The following RANBP2 variants were observed in gnomAD, a reference collection of about 807,000 sequenced individuals.
RANBP2 encodes the protein E3 SUMO-protein ligase RanBP2.
Under a neutral mutation model 303.6 loss-of-function variants are expected in RANBP2, and 57 were observed. That is an observed-to-expected ratio of 0.19 (90% CI 0.15 to 0.23). The LOEUF (loss-of-function observed/expected upper bound fraction) is 0.23, where lower values mean the gene tolerates loss of function less well. Among genes scored for constraint, RANBP2 ranks in the 10% least tolerant of loss-of-function variants. The pLI, the probability that RANBP2 is intolerant of heterozygous loss-of-function variation, is 1.00. For synonymous variants in RANBP2, 1,167 were observed against 1,301.5 expected, an observed-to-expected ratio of 0.90 and a Z score of 2.23; for missense variants, 3,138 against 3,780.8, an observed-to-expected ratio of 0.83 and a Z score of 4.46.
chr2:109,594,894 T>C, the RANBP2 span: 1 of 144,392 alleles, frequency 6.9e-6, no homozygotes, highest in Middle Eastern at 3.6e-3. Context: ...TAACAATGTG[T>C]TTTTTTTTTT....
At chr2:109,174,686 T>G in the RANBP2 span, among the ~76,000 whole-genome samples, 1 of 152,262 alleles carries the variant, frequency 6.6e-6, no homozygotes, top group African/African-American at 2.4e-5. Flanking sequence ...GATGATATTT[T>G]CAGGATAGGG....
the RANBP2 span, among the ~76,000 whole-genome samples, chr2:109,061,852 G>A: frequency 8.5e-5 from 13 of 152,286 alleles, no homozygotes; most frequent in African/African-American, 2.9e-4. Flanking sequence ...TTCAAGCAGA[G>A]GTGATGCCCA....
chr2:109,000,338 G>A, the RANBP2 span, among the ~76,000 whole-genome samples: 81 of 152,222 alleles, frequency 5.3e-4, no homozygotes, highest in African/African-American at 1.9e-3. Flanking sequence ...CTCAGCCTGG[G>A]CAACATAGCA....
At position 108,758,238 on chromosome 2, in the gene RANBP2, G is replaced by A. The variant is rs183552992; in HGVS notation, c.2467-175G>A. ...CTTGAGCCCAGGAGGTGGAGGTTGC[G>A]GTGAGCCAAGATTGTGCCATTGCAC... On this transcript the variant is annotated intron_variant, in intron 17 of 28. Coordinates refer to ENST00000283195, the MANE Select transcript of RANBP2 (RefSeq NM_006267.5). Among the ~76,000 whole-genome samples, 414 of 151,480 alleles carry A rather than the reference G, an allele frequency of 2.7e-3. 1 individual carries two copies. The highest frequency in any genetic ancestry group is 9.9e-3 in the African/African-American group (407 of 41,212).
the RANBP2 span, among the ~76,000 whole-genome samples, chr2:109,356,367 G>C: frequency 6.6e-6 from 1 of 152,174 alleles, no homozygotes; most frequent in South Asian, 2.1e-4. Context: ...CCACACTGCA[G>C]CTAGGTCTAT....
At chr2:109,029,718 G>C in the RANBP2 span, among the ~76,000 whole-genome samples, 1 of 152,264 alleles carries the variant, frequency 6.6e-6, no homozygotes, top group Admixed American at 6.5e-5. Context: ...TTCCTGGCTG[G>C]AACAGCTGCA....
the RANBP2 span, among the ~76,000 whole-genome samples, chr2:109,214,963 C>T: frequency 6.6e-6 from 1 of 152,150 alleles, no homozygotes; most frequent in East Asian, 1.9e-4. Context: ...AGAGAAGGGG[C>T]ACGTCGCTGA....
chr2:109,563,098 A>T, the RANBP2 span, among the ~76,000 whole-genome samples: 1 of 152,106 alleles, frequency 6.6e-6, no homozygotes, highest in African/African-American at 2.4e-5. Flanking sequence ...TTTAGTAAAG[A>T]CGGGGTTTCA....
chr2:109,517,731 G>A, the RANBP2 span, among the ~76,000 whole-genome samples: 1 of 152,244 alleles, frequency 6.6e-6, no homozygotes, highest in East Asian at 1.9e-4. Flanking sequence ...GGGCTGGGTG[G>A]GTGTCCCAAG....
chr2:108,799,979 A>G, the RANBP2 span, among the ~76,000 whole-genome samples: 1 of 152,094 alleles, frequency 6.6e-6, no homozygotes, highest in Non-Finnish European at 1.5e-5. Flanking sequence ...TGTTTTTCTC[A>G]TAAGCATTTC....
At chr2:109,321,586 C>T in the RANBP2 span, among the ~76,000 whole-genome samples, 1 of 152,170 alleles carries the variant, frequency 6.6e-6, no homozygotes, top group Admixed American at 6.5e-5. Context: ...GGAGATGAGA[C>T]AATCAATAGA....
intron 17 of RANBP2, among the ~76,000 whole-genome samples, chr2:108,756,294 T>G (rs1196565769): frequency 1.3e-5 from 2 of 152,240 alleles, no homozygotes; most frequent in Admixed American, 6.5e-5. Context: ...ATTTTAATAC[T>G]TCCATATGAA....
At chr2:109,107,810 A>G in the RANBP2 span, among the ~76,000 whole-genome samples, 3 of 152,132 alleles carry the variant, frequency 2.0e-5, no homozygotes, top group Non-Finnish European at 4.4e-5. Flanking sequence ...ATCTCAGCTC[A>G]CTGCAACCTC....
the RANBP2 span, among the ~76,000 whole-genome samples, chr2:108,900,567 A>C: frequency 2.5e-5 from 2 of 80,442 alleles, no homozygotes; most frequent in African/African-American, 5.7e-5. Context: ...AAAGAAAAAA[A>C]AAAAAACAAA....
the RANBP2 span, among the ~76,000 whole-genome samples, chr2:109,148,838 C>T: frequency 1.2e-5 from 1 of 83,398 alleles, no homozygotes; most frequent in Non-Finnish European, 2.8e-5. Flanking sequence ...GCAATCATGG[C>T]AGTGTTTTTT....
At chr2:108,736,796 G>C (rs1054966886) in intron 6 of RANBP2, among the ~76,000 whole-genome samples, 2 of 152,008 alleles carry the variant, frequency 1.3e-5, no homozygotes, top group African/African-American at 4.8e-5. Context: ...ACATCACTTG[G>C]ATTTGTATAA....
At chr2:109,160,683 A>G in the RANBP2 span, among the ~76,000 whole-genome samples, 1 of 152,154 alleles carries the variant, frequency 6.6e-6, no homozygotes, top group Non-Finnish European at 1.5e-5. Context: ...CAAAGCCAAG[A>G]TCTCTGACTG....
the RANBP2 span, among the ~76,000 whole-genome samples, chr2:108,922,460 A>G: frequency 6.6e-6 from 1 of 152,216 alleles, no homozygotes; most frequent in African/African-American, 2.4e-5. Flanking sequence ...CCTGCAGCAC[A>G]GCCCACAGCA....
the RANBP2 span, chr2:109,419,600 G>T: frequency 6.3e-7 from 1 of 1,596,010 alleles, no homozygotes. Context: ...TCGGTGTCTG[G>T]AGAGCAGGGC....
Sources: allele counts gnomAD v4.1 joint callset (sites outside exome capture counted in the v4.1 genomes callset), GRCh38; gene constraint gnomAD v4.1.1; transcripts MANE v1.5; gene names NCBI Gene and HGNC (gene_info 2026-07-23, HGNC 2026-07-21).